The following ERC2 variants were observed in gnomAD, a reference collection of about 807,000 sequenced individuals.
The protein encoded by ERC2 is ELKS/RAB6-interacting/CAST family member 2, also known as ERC protein 2.
Under a neutral mutation model 114.8 loss-of-function variants are expected in ERC2, and 42 were observed. The observed-to-expected ratio is 0.37, with a 90% confidence interval of 0.29 to 0.47. ERC2 has a LOEUF of 0.47. Ranked by LOEUF, ERC2 falls within the 20% of genes least tolerant of loss-of-function variation. The probability of loss-of-function intolerance (pLI) is 0.99; values close to 1 mark genes in which losing one functional copy is unlikely to be tolerated. For missense variants in ERC2, 939 were observed against 1,150.7 expected (o/e 0.82, Z 2.66); for synonymous variants, 454 against 425.5 (o/e 1.07, Z -0.82).
intron 14 of ERC2, among the ~76,000 whole-genome samples, chr3:55,741,849 TAGAC>T (rs1194038186): frequency 6.6e-6 from 1 of 152,182 alleles, no homozygotes; most frequent in African/African-American, 2.4e-5. Flanking sequence ...AAGTGTATCA[TAGAC>T]AGCATTTTAT....
At chr3:55,810,659 C>T (rs1038861997) in intron 14 of ERC2, among the ~76,000 whole-genome samples, 7 of 152,244 alleles carry the variant, frequency 4.6e-5, no homozygotes, top group African/African-American at 1.4e-4. Flanking sequence ...AGGGTTTCAC[C>T]ATGTTGGCCA....
chr3:55,653,148 G>A (rs900737613), intron 17 of ERC2, among the ~76,000 whole-genome samples: 2 of 152,150 alleles, frequency 1.3e-5, no homozygotes, highest in Non-Finnish European at 2.9e-5. Flanking sequence ...ACATATAGAA[G>A]TGACATCTTT....
At chr3:55,962,717 A>G (rs2068473034) in intron 12 of ERC2, among the ~76,000 whole-genome samples, 2 of 152,234 alleles carry the variant, frequency 1.3e-5, no homozygotes, top group Admixed American at 1.3e-4. Flanking sequence ...GGAACCGTCG[A>G]AAGTTACAGA....
intron 2 of ERC2, among the ~76,000 whole-genome samples, chr3:56,363,819 A>AAGGG (rs1225974396): frequency 5.8e-4 from 72 of 125,018 alleles, no homozygotes; most frequent in East Asian, 3.5e-3. Flanking sequence ...GGGAGGGAGA[A>AAGGG]AGGGAGGGAG....
At chr3:55,793,423 T>G (rs147766050) in intron 14 of ERC2, among the ~76,000 whole-genome samples, 2,868 of 152,270 alleles carry the variant, frequency 0.019, 31 homozygotes, top group Middle Eastern at 0.082. Context: ...TTATAGTCAC[T>G]GCAGGACTGT....
chr3:55,765,855 C>T (rs11927643), intron 14 of ERC2, among the ~76,000 whole-genome samples: 75,126 of 152,072 alleles, frequency 0.49, 18,943 homozygotes, highest in Middle Eastern at 0.54. Context: ...AAAATGATTA[C>T]GTGATCTCAC....
At chr3:55,669,399 A>G (rs2061472575) in intron 17 of ERC2, among the ~76,000 whole-genome samples, 2 of 152,262 alleles carry the variant, frequency 1.3e-5, no homozygotes, top group African/African-American at 4.8e-5. Context: ...TTCTCCAGGC[A>G]AGGAAGATGC....
At chr3:56,031,188 G>A (rs908763495) in intron 7 of ERC2, among the ~76,000 whole-genome samples, 2 of 152,182 alleles carry the variant, frequency 1.3e-5, no homozygotes, top group Middle Eastern at 3.2e-3. Context: ...CCTCCAGCCT[G>A]TCCCCCATGG....
chr3:56,334,168 C>A (rs933545173), intron 2 of ERC2, among the ~76,000 whole-genome samples: 2 of 152,186 alleles, frequency 1.3e-5, no homozygotes, highest in Admixed American at 1.3e-4. Context: ...ACTCTTCCCC[C>A]AAATCCCTTG....
At chr3:56,455,614 G>T (rs1391873066) in intron 1 of ERC2, among the ~76,000 whole-genome samples, 2 of 152,120 alleles carry the variant, frequency 1.3e-5, no homozygotes, top group Non-Finnish European at 2.9e-5. Context: ...AGATCATGAA[G>T]TTATTGTGAA....
chr3:55,971,420 A>G (rs1349890870), intron 12 of ERC2, among the ~76,000 whole-genome samples: 1 of 152,162 alleles, frequency 6.6e-6, no homozygotes, highest in Non-Finnish European at 1.5e-5. Context: ...TAAAAAGAAA[A>G]CTTATATTGT....
intron 14 of ERC2, among the ~76,000 whole-genome samples, chr3:55,887,926 T>G (rs2063424035): frequency 6.6e-6 from 1 of 152,226 alleles, no homozygotes; most frequent in Non-Finnish European, 1.5e-5. Context: ...GTGCCAACCT[T>G]GAGACTCTGT....
chr3:55,803,226 T>C (rs2059370973), intron 14 of ERC2, among the ~76,000 whole-genome samples: 1 of 152,214 alleles, frequency 6.6e-6, no homozygotes, highest in South Asian at 2.1e-4. Context: ...TTATTGCTTT[T>C]TCAATTGCAA....
In ERC2 at chr3:55,886,264, A is replaced by G. The variant is rs149051418; in HGVS notation, c.2564+2125T>C. Among the ~76,000 whole-genome samples, 505 of 152,322 alleles carry G rather than the reference A, an allele frequency of 3.3e-3. 9 individuals are homozygous for G. Among genetic ancestry groups the G allele is most frequent in the East Asian group, 0.014 (73 of 5,190 alleles). On this transcript the variant is annotated intron_variant, in intron 14 of 17. Transcript: ENST00000288221. ...TATTCTATACTACATTTATTATGGA[A>G]AGTAAAATGCAAAAAACATCATATG...
At chr3:55,995,076 T>G (rs2071403230) in intron 10 of ERC2, among the ~76,000 whole-genome samples, 1 of 152,198 alleles carries the variant, frequency 6.6e-6, no homozygotes, top group South Asian at 2.1e-4. Flanking sequence ...GGCTCACGCC[T>G]GTAAACCCAG....
intron 4 of ERC2, 110 bp from the exon 5 acceptor site, chr3:56,149,242 C>T (rs1405274416): frequency 3.9e-6 from 4 of 1,032,036 alleles, no homozygotes; most frequent in Non-Finnish European, 5.5e-6. Flanking sequence ...ACATATTAAC[C>T]ATGGTATAGA....
At chr3:55,556,155 A>T (rs2055591071) in intron 17 of ERC2, among the ~76,000 whole-genome samples, 1 of 152,184 alleles carries the variant, frequency 6.6e-6, no homozygotes. Context: ...GACTCACGTG[A>T]CTGCATTTCC....
chr3:55,957,746 C>T (rs2068061755), intron 12 of ERC2, among the ~76,000 whole-genome samples: 1 of 152,114 alleles, frequency 6.6e-6, no homozygotes. Context: ...GGGGGCAGCT[C>T]CAGGCGCCTG....
intron 17 of ERC2, among the ~76,000 whole-genome samples, chr3:55,514,802 C>T (rs2052373271): frequency 6.6e-6 from 1 of 152,318 alleles, no homozygotes; most frequent in African/African-American, 2.4e-5. Flanking sequence ...TTATGAGATC[C>T]TAAGCAGAGA....
Sources: gnomAD v4.1 joint callset for allele counts (sites outside exome capture counted in the v4.1 genomes callset) on GRCh38, gnomAD v4.1.1 for gene constraint, MANE v1.5 for transcripts, NCBI Gene and HGNC (gene_info 2026-07-23, HGNC 2026-07-21) for gene names.